ADGRG2: variants seen among roughly 807,000 people sequenced by gnomAD.
ADGRG2 encodes adhesion G protein-coupled receptor G2.
In ADGRG2, 26 loss-of-function variants were observed where a neutral mutation model predicts 74.1. That is an observed-to-expected ratio of 0.35 (90% CI 0.26 to 0.49). The LOEUF is 0.49. Among genes scored for constraint, ADGRG2 ranks in the 20% least tolerant of loss-of-function variants. ADGRG2 has a pLI of 0.99. For missense variants in ADGRG2, 619 were observed against 763.1 expected, an observed-to-expected ratio of 0.81 and a Z score of 2.22; for synonymous variants, 296 against 295.2, an observed-to-expected ratio of 1.00 and a Z score of -0.03.
intron 1 of ADGRG2, among the ~76,000 whole-genome samples, chrX:19,115,562 G>A (rs763342406): frequency 9.0e-6 from 1 of 111,366 alleles, no homozygotes; most frequent in South Asian, 3.8e-4. Context: ...CACAGCAAAC[G>A]CTTGGCTTGG....
chrX:19,107,477 C>A lies in ADGRG2; in HGVS notation c.-47+14965G>T, dbSNP rs141788570. The stretch of plus-strand genomic sequence containing the variant: ...AATAAAGCATAATTTAGTTTTTTAA[C>A]CCTCCTTCTTTCTTCCTTTCTTTGT... On this transcript the variant is annotated intron_variant, in intron 1 of 28. Coordinates refer to ENST00000379869, the MANE Select transcript of ADGRG2 (RefSeq NM_001079858.3). Among the ~76,000 whole-genome samples the A allele has an allele frequency of 5.0e-3, 560 of 111,828 alleles. 4 individuals are homozygous for A. The highest frequency in any genetic ancestry group is 0.017 in the African/African-American group (527 of 30,867).
At chrX:19,086,648 C>T (rs1042028856) in intron 1 of ADGRG2, among the ~76,000 whole-genome samples, 2 of 111,194 alleles carry the variant, frequency 1.8e-5, no homozygotes, top group Non-Finnish European at 3.8e-5. Context: ...AGCACCCACA[C>T]ATCCTAGGGA....
intron 17 of ADGRG2, among the ~76,000 whole-genome samples, 167 bp downstream of exon 17, chrX:19,010,446 A>C (rs758284817): frequency 2.7e-5 from 3 of 109,388 alleles, no homozygotes; most frequent in Non-Finnish European, 5.8e-5. Context: ...TAGATTTGGC[A>C]GTCCCATCTG....
intron 20 of ADGRG2, 39 bp downstream of exon 20, chrX:19,007,196 T>A (rs748365945): frequency 5.0e-5 from 60 of 1,197,464 alleles, no homozygotes; most frequent in Admixed American, 3.3e-4. Flanking sequence ...GTACAAGGTG[T>A]TCCTGGTCAA....
At chrX:19,112,987 CCA>C (rs1491542993) in intron 1 of ADGRG2, among the ~76,000 whole-genome samples, 43 of 84,368 alleles carry the variant, frequency 5.1e-4, no homozygotes, top group African/African-American at 2.8e-3. Context: ...AAAAAAAAAA[CCA>C]AAAAAAAAAA....
In ADGRG2 at chrX:18,990,115, A is replaced by G. The variant is rs1234052529; in HGVS notation, c.*749T>C. ...AGTGGGGCTAAAATATGGTCTCTCC[A>G]CTCTGTTTGTCAAACCATGAGCCCA... is the stretch of plus-strand genomic sequence containing the variant. On this transcript the variant is annotated 3_prime_UTR_variant, in exon 29 of 29. Coordinates refer to ENST00000379869, the MANE Select transcript of ADGRG2 (RefSeq NM_001079858.3). 8.9e-6 allele frequency: 1 copy of G among 111,976 alleles called. No homozygotes were observed. The highest frequency in any genetic ancestry group is 2.8e-4 in the East Asian group (1 of 3,527). The allele number at this position is 111,976 out of a possible 1,213,427, so 9.2% of individuals were successfully genotyped here. A position where few individuals can be genotyped will look rare whatever the true frequency, so the allele number is the denominator to read the frequency against.
At chrX:18,999,334 G>A in intron 25 of ADGRG2, 55 bp from the exon 26 acceptor site, 1 of 974,810 alleles carries the variant, frequency 1.0e-6, no homozygotes, top group Non-Finnish European at 1.4e-6. Flanking sequence ...TAATGAACTA[G>A]AGTTCAAAAT....
intron 3 of ADGRG2, among the ~76,000 whole-genome samples, chrX:19,042,664 G>A (rs1237077495): frequency 9.0e-6 from 1 of 111,411 alleles, no homozygotes; most frequent in Non-Finnish European, 1.9e-5. Flanking sequence ...TTTGATAGGC[G>A]TGGGCTTATA....
At chrX:19,067,887 C>T (rs920249849) in intron 3 of ADGRG2, among the ~76,000 whole-genome samples, 3 of 112,088 alleles carry the variant, frequency 2.7e-5, no homozygotes, top group Non-Finnish European at 3.8e-5. Context: ...TGAAAAGATG[C>T]TCAATATCAC....
At position 19,021,117 on chromosome X, in the gene ADGRG2, C is replaced by A; in HGVS notation, c.630G>T (p.Lys210Asn). Residue 210 changes from lysine (K) to asparagine (N), a missense_variant, in exon 14 of 29, where the codon AAG becomes AAT. Lys to Asn is a moderately conservative substitution (Grantham distance 94). Transcript: ENST00000379869. ...CAVIAALERV[K>N]IRPMEHCCCS... ...TAGACAACTTACCCATTGGTCGAAT[C>A]TTTACTCTTTCCAAAGCAGCTATTA... is the stretch of plus-strand genomic sequence containing the variant. The A allele has an allele frequency of 9.5e-7, 1 of 1,053,141 alleles. No individual in the cohort carries two copies. Among genetic ancestry groups the A allele is most frequent in the Non-Finnish European group, 1.3e-6 (1 of 752,006 alleles). 86.8% of individuals were successfully genotyped at this position (1,053,141 alleles called of 1,213,427 possible). A position where few individuals can be genotyped will look rare whatever the true frequency, so the allele number is the denominator to read the frequency against.
intron 3 of ADGRG2, among the ~76,000 whole-genome samples, chrX:19,054,273 A>G (rs1351738946): frequency 8.9e-6 from 1 of 112,162 alleles, no homozygotes; most frequent in Non-Finnish European, 1.9e-5. Context: ...TCTGATGACC[A>G]TAACTTACGT....
At chrX:19,119,261 T>C (rs773140253) in intron 1 of ADGRG2, among the ~76,000 whole-genome samples, 3 of 112,408 alleles carry the variant, frequency 2.7e-5, no homozygotes, top group African/African-American at 9.7e-5. Context: ...TGGGACAGTG[T>C]TTACCACAAT....
chrX:19,019,548 ATTTTT>A, intron 15 of ADGRG2, 46 bp downstream of exon 15: 21 of 529,515 alleles, frequency 4.0e-5, no homozygotes, highest in Admixed American at 7.0e-5. Context: ...TAGCATGGTG[ATTTTT>A]TTTTTTTTTT....
intron 1 of ADGRG2, among the ~76,000 whole-genome samples, chrX:19,087,745 C>T (rs1034094692): frequency 8.9e-6 from 1 of 111,842 alleles, no homozygotes; most frequent in Non-Finnish European, 1.9e-5. Context: ...CAGGAGAAGT[C>T]GTCAGTGGGC....
chrX:19,076,157 G>A (rs931002985), intron 2 of ADGRG2, among the ~76,000 whole-genome samples: 2 of 112,104 alleles, frequency 1.8e-5, no homozygotes, highest in East Asian at 5.6e-4. Context: ...GGGTCTGGGG[G>A]TACGTACACC....
At chrX:19,065,790 C>T (rs2061559492) in intron 3 of ADGRG2, among the ~76,000 whole-genome samples, 1 of 111,582 alleles carries the variant, frequency 9.0e-6, no homozygotes, top group African/African-American at 3.3e-5. Flanking sequence ...TTTTGCCCTG[C>T]CAAGCCCACA....
At chrX:19,007,127 G>T in intron 20 of ADGRG2, 108 bp downstream of exon 20, 1 of 788,280 alleles carries the variant, frequency 1.3e-6, no homozygotes, top group Non-Finnish European at 1.9e-6. Context: ...CTCCAGCTGA[G>T]CTGAAGGTTC....
chrX:19,073,720 G>C (rs1175645102), intron 2 of ADGRG2, among the ~76,000 whole-genome samples: 1 of 111,771 alleles, frequency 8.9e-6, no homozygotes, highest in Non-Finnish European at 1.9e-5. Flanking sequence ...CCATAGGGCA[G>C]GTCTGTGTGA....
rs1481970584 is a variant in ADGRG2, at chrX:18,991,127, T to G, written c.2870-79A>C. 3 of 498,019 alleles carry G rather than the reference T, an allele frequency of 6.0e-6. No homozygotes were observed. The Admixed American group carries it at 1.1e-4, about 19-fold the overall frequency. The allele number at this position is 498,019 out of a possible 1,213,427, so 41.0% of individuals were successfully genotyped here. ...AAAGCAAACAAACTTAGACATTGCTTTATTCTTAAAGATGTATTTGTAAAA... is the reference window on the plus strand; with the variant it reads ...AAAGCAAACAAACTTAGACATTGCTGTATTCTTAAAGATGTATTTGTAAAA... On this transcript the variant is annotated intron_variant, in intron 28 of 28. Coordinates refer to ENST00000379869, the MANE Select transcript of ADGRG2 (RefSeq NM_001079858.3).
Sources: allele counts gnomAD v4.1 joint callset (sites outside exome capture counted in the v4.1 genomes callset), GRCh38; gene constraint gnomAD v4.1.1; transcripts MANE v1.5; gene names NCBI Gene and HGNC (gene_info 2026-07-23, HGNC 2026-07-21).